Variants in PODXL2 observed in about 807,000 individuals in gnomAD.
The protein encoded by PODXL2 is podocalyxin-like protein 2.
Under a neutral mutation model 53.4 loss-of-function variants are expected in PODXL2, and 17 were observed. The ratio of observed to expected loss-of-function variants is 0.32; its 90% confidence interval spans 0.22 to 0.48. PODXL2 has a LOEUF of 0.48. PODXL2 is among the 20% of genes least tolerant of loss of function. The pLI is 0.99. For missense variants in PODXL2, 673 were observed against 760.0 expected, an observed-to-expected ratio of 0.89 and a Z score of 1.35; for synonymous variants, 311 against 306.7, an observed-to-expected ratio of 1.01 and a Z score of -0.15.
rs1174827254 is a variant in PODXL2, at chr3:127,660,821, G to T, written c.793G>T (p.Ala265Ser). 2 of 1,614,246 alleles carry T rather than the reference G, an allele frequency of 1.2e-6. No individual in the cohort carries two copies. Among genetic ancestry groups the T allele is most frequent in the Admixed American group, 1.7e-5 (1 of 60,022 alleles). The change falls in exon 3 of 8, where the codon GCA becomes TCA. Residue 265 changes from alanine (A) to serine (S), a missense_variant. This residue lies in a region of PODXL2 where 588 missense variants were observed against 668.3 expected (regional missense o/e 0.88). Coordinates refer to ENST00000342480, the MANE Select transcript of PODXL2 (RefSeq NM_015720.4). ...GGACCAGGACTCCACCAGCCAAGAG[G>T]CAGAGGCCACAGTGCTGCCAGCTGC... ...PGDQDSTSQE[A>S]EATVLPAAGL...
At chr3:127,669,012 C>G (rs889517889) in intron 5 of PODXL2, 129 bp from the exon 6 acceptor site, 2 of 611,620 alleles carry the variant, frequency 3.3e-6, no homozygotes, top group African/African-American at 1.9e-5. Context: ...CCTTGAGGAT[C>G]TGTGTGCAAT....
intron 1 of PODXL2, among the ~76,000 whole-genome samples, chr3:127,637,912 A>G (rs182895163): frequency 3.3e-5 from 5 of 152,382 alleles, no homozygotes; most frequent in Admixed American, 3.3e-4. Context: ...TCAGCAAAGC[A>G]CATGGCACCA....
In PODXL2 at chr3:127,672,539, C is replaced by T. The variant is rs890897531; in HGVS notation, c.*59C>T. 3 of 1,130,950 alleles carry T rather than the reference C, an allele frequency of 2.7e-6. No individual in the cohort carries two copies. In the South Asian group the frequency reaches 5.0e-5, roughly 19 times the overall value. 70.1% of individuals were successfully genotyped at this position (1,130,950 alleles called of 1,614,324 possible). A position where few individuals can be genotyped will look rare whatever the true frequency, so the allele number is the denominator to read the frequency against. The stretch of plus-strand genomic sequence containing the variant: ...GGACCAAGCGAGGTGGACCCCGAAA[C>T]GGACGGCCCGGAGCCCGCACCAGCC... On this transcript the variant is annotated 3_prime_UTR_variant, in exon 8 of 8. Transcript: ENST00000342480.
At chr3:127,641,091 T>C (rs2074616178) in intron 2 of PODXL2, among the ~76,000 whole-genome samples, 1 of 152,154 alleles carries the variant, frequency 6.6e-6, no homozygotes. Flanking sequence ...TTTGTATTTT[T>C]AGTAAAGACA....
intron 4 of PODXL2, among the ~76,000 whole-genome samples, chr3:127,663,658 C>T (rs760441295): frequency 4.3e-4 from 66 of 152,292 alleles, no homozygotes; most frequent in South Asian, 2.1e-4. Flanking sequence ...TTGAGTTGGC[C>T]TCTGAGTCCT....
At chr3:127,632,102 C>CCA (rs1291721980) in intron 1 of PODXL2, among the ~76,000 whole-genome samples, 1 of 152,316 alleles carries the variant, frequency 6.6e-6, no homozygotes, top group East Asian at 1.9e-4. Flanking sequence ...ACACACCAGA[C>CCA]CACAGTACTG....
In PODXL2 at chr3:127,660,953, T is replaced by C. The variant is rs758054618; in HGVS notation, c.925T>C (p.Phe309Leu). Residue 309 changes from phenylalanine to leucine, a missense_variant, in exon 3 of 8, where the codon TTC becomes CTC. Physicochemically the swap from Phe to Leu is conservative, Grantham distance 22 (BLOSUM62 0). This residue lies in a region of PODXL2 where 588 missense variants were observed against 668.3 expected (regional missense o/e 0.88). Transcript: ENST00000342480. ...QHEEVPALPS[F>L]PQTTAPSGAE... ...CGAGGAGGTGCCGGCCTTGCCTTCA[T>C]TCCCTCAAACCACAGCTCCCAGTGG... 2 of 1,614,190 alleles carry C rather than the reference T, an allele frequency of 1.2e-6. No individual in the cohort carries two copies. The highest frequency in any genetic ancestry group is 1.7e-6 in the Non-Finnish European group (2 of 1,180,024).
intron 2 of PODXL2, among the ~76,000 whole-genome samples, chr3:127,644,795 C>A (rs918405009): frequency 4.6e-5 from 7 of 152,206 alleles, no homozygotes; most frequent in African/African-American, 1.7e-4. Flanking sequence ...TCACCCTACC[C>A]AGGATGGGCA....
chr3:127,650,642 T>C (rs2074682491), intron 2 of PODXL2, among the ~76,000 whole-genome samples: 1 of 152,130 alleles, frequency 6.6e-6, no homozygotes, highest in Non-Finnish European at 1.5e-5. Flanking sequence ...TCTTTTTTGT[T>C]TTTTGTTTGT....
In PODXL2 at chr3:127,672,611, T is replaced by G. The variant is rs1239006962; in HGVS notation, c.*131T>G. ...CCGCGGCCTGGCCCTCGGCGCGGGC[T>G]CCTTCCCGCTTCCCCCGACTTCACA... On this transcript the variant is annotated 3_prime_UTR_variant, in exon 8 of 8. Transcript: ENST00000342480. 1.9e-4 allele frequency: 107 copies of G among 552,384 alleles called. No individual in the cohort carries two copies. The highest frequency in any genetic ancestry group is 6.3e-5 in the Non-Finnish European group (21 of 335,416). 34.2% of individuals were successfully genotyped at this position (552,384 alleles called of 1,614,324 possible). A position where few individuals can be genotyped will look rare whatever the true frequency, so the allele number is the denominator to read the frequency against.
intron 3 of PODXL2, among the ~76,000 whole-genome samples, 191 bp from the exon 4 acceptor site, chr3:127,662,046 C>A (rs2074770871): frequency 6.6e-6 from 1 of 152,170 alleles, no homozygotes; most frequent in Non-Finnish European, 1.5e-5. Flanking sequence ...CCTGCTTGGT[C>A]CCCAAAGACA....
chr3:127,629,415 C>A lies in PODXL2; in HGVS notation c.70+126C>A. On this transcript the variant is annotated intron_variant, in intron 1 of 7. Transcript: ENST00000342480. This position sits in a 1 kb window ranked among gnomAD's most constrained non-coding sequence, Gnocchi z 6.4. ...CCGCCGGGAGCGCGCGTGTCCCGGC[C>A]GGGCCGCGGCGCCGCCCCGACACAC... 2 of 718,240 alleles carry A rather than the reference C, an allele frequency of 2.8e-6. No homozygotes were observed. The highest frequency in any genetic ancestry group is 6.0e-5 in the South Asian group (1 of 16,806). The allele number at this position is 718,240 out of a possible 1,614,324, so 44.5% of individuals were successfully genotyped here. A position where few individuals can be genotyped will look rare whatever the true frequency, so the allele number is the denominator to read the frequency against.
intron 6 of PODXL2, among the ~76,000 whole-genome samples, chr3:127,669,953 G>A (rs538890805): frequency 6.6e-6 from 1 of 152,234 alleles, no homozygotes; most frequent in Non-Finnish European, 1.5e-5. Flanking sequence ...TCACTGTAGA[G>A]TCCAGTGCCC....
rs1178111571 is a variant in PODXL2, at chr3:127,672,250, C to T, written c.1606-18C>T. ...GGGCTGGCTCGCTCGCCCATGGCCT[C>T]TCCCCACCCCGCCTCAGTCGCACGG... On this transcript the variant is annotated intron_variant, in intron 7 of 7. Transcript: ENST00000342480. 4.5e-6 allele frequency: 7 copies of T among 1,538,934 alleles called. No homozygotes were observed. Among genetic ancestry groups the T allele is most frequent in the African/African-American group, 1.4e-5 (1 of 72,958 alleles).
intron 2 of PODXL2, among the ~76,000 whole-genome samples, chr3:127,639,843 G>A (rs1275052908): frequency 1.3e-5 from 2 of 152,194 alleles, no homozygotes; most frequent in Non-Finnish European, 2.9e-5. Context: ...AGACTGAGAG[G>A]TTAAAAGCTG....
chr3:127,655,261 C>T (rs1324048899), intron 2 of PODXL2, among the ~76,000 whole-genome samples: 1 of 151,980 alleles, frequency 6.6e-6, no homozygotes, highest in African/African-American at 2.4e-5. Flanking sequence ...CAAAAATTAG[C>T]TGGGCTTGGT....
chr3:127,656,708 C>T (rs1456105316), intron 2 of PODXL2, among the ~76,000 whole-genome samples: 2 of 123,536 alleles, frequency 1.6e-5, no homozygotes, highest in African/African-American at 6.2e-5. Context: ...GCACTCCAGC[C>T]TGGGTGACAG....
chr3:127,638,645 G>A (rs921080575), intron 1 of PODXL2, among the ~76,000 whole-genome samples: 7 of 152,122 alleles, frequency 4.6e-5, no homozygotes, highest in African/African-American at 1.7e-4. Context: ...AACCTGGGAG[G>A]CGGAGATTGC....
At chr3:127,631,399 G>A (rs986506784) in intron 1 of PODXL2, among the ~76,000 whole-genome samples, 8 of 152,138 alleles carry the variant, frequency 5.3e-5, no homozygotes, top group East Asian at 3.8e-4. Flanking sequence ...CATGAGGATC[G>A]CTGGGGTCTT....
Sources: gnomAD v4.1 joint callset for allele counts (sites outside exome capture counted in the v4.1 genomes callset) on GRCh38, gnomAD v4.1.1 for gene constraint, gnomAD v4.1.1 regional missense constraint, Gnocchi (gnomAD v3.1) non-coding constraint, MANE v1.5 for transcripts, NCBI Gene and HGNC (gene_info 2026-07-23, HGNC 2026-07-21) for gene names.